The following NRG1 variants were observed in gnomAD, a reference collection of about 807,000 sequenced individuals.
The protein encoded by NRG1 is neuregulin 1, also known as pro-neuregulin-1, membrane-bound isoform.
A neutral mutation model predicts 63.8 loss-of-function variants in NRG1; 18 were observed. That is an observed-to-expected ratio of 0.28 (90% CI 0.19 to 0.42). The LOEUF is 0.42. Ranked by LOEUF, NRG1 falls within the 10% of genes least tolerant of loss-of-function variation. The pLI is 1.00. For synonymous variants in NRG1, 302 were observed against 301.3 expected, an observed-to-expected ratio of 1.00 and a Z score of -0.02; for missense variants, 762 against 814.7, an observed-to-expected ratio of 0.94 and a Z score of 0.79.
chr8:31,818,511 G>T (rs966242564), intron 1 of NRG1, among the ~76,000 whole-genome samples: 3 of 152,260 alleles, frequency 2.0e-5, no homozygotes, highest in African/African-American at 7.2e-5. Flanking sequence ...GGATGAAACC[G>T]TTCCACCTCA....
intron 1 of NRG1, among the ~76,000 whole-genome samples, chr8:32,112,505 C>T (rs886315017): frequency 2.0e-5 from 3 of 152,202 alleles, no homozygotes; most frequent in African/African-American, 7.2e-5. Context: ...TCCTTCTTTG[C>T]ATCCATCTTG....
chr8:32,557,253 C>T (rs1358726444), intron 1 of NRG1, among the ~76,000 whole-genome samples: 3 of 152,138 alleles, frequency 2.0e-5, no homozygotes, highest in Non-Finnish European at 4.4e-5. Flanking sequence ...GTGATTAACC[C>T]ACCTCGGCCT....
rs199811321 is a variant in NRG1, at chr8:31,697,101, TA to T, written c.37+57671del. Among the ~76,000 whole-genome samples, 688 of 152,314 alleles carry T rather than the reference TA, an allele frequency of 4.5e-3. 9 individuals are homozygous for T. Among genetic ancestry groups the T allele is most frequent in the African/African-American group, 0.015 (644 of 41,568 alleles). On this transcript the variant is annotated intron_variant, in intron 1 of 10. Coordinates refer to the NRG1 transcript ENST00000519301. ...GTGAAGTTTTCTTTTTCTGGAAAAC[TA>T]CTGGCTCTGAAGCAATTTAAGCCAG...
At chr8:32,537,537 T>C (rs889792878) in intron 1 of NRG1, among the ~76,000 whole-genome samples, 2 of 152,208 alleles carry the variant, frequency 1.3e-5, no homozygotes, top group Non-Finnish European at 2.9e-5. Flanking sequence ...GAAGCTTCTT[T>C]TAATACGGCT....
rs543664211 is a variant in NRG1, at chr8:31,733,423, GT to G, written c.37+93993del. 4.0e-3 allele frequency among the ~76,000 whole-genome samples: 611 copies of G among 152,270 alleles called. 7 individuals carry two copies. The highest frequency in any genetic ancestry group is 0.014 in the African/African-American group (579 of 41,556). ...TGCCACTGTAGGTATAAAACAATAT[GT>G]GGTCTCACTTAGAATAAAATGGAGA... On this transcript the variant is annotated intron_variant, in intron 1 of 10. Coordinates refer to the NRG1 transcript ENST00000519301.
At chr8:31,831,255 C>T (rs1449737588) in intron 1 of NRG1, among the ~76,000 whole-genome samples, 1 of 152,056 alleles carries the variant, frequency 6.6e-6, no homozygotes, top group African/African-American at 2.4e-5. Context: ...GCACACACCA[C>T]CATGCCCGGC....
intron 1 of NRG1, among the ~76,000 whole-genome samples, chr8:32,038,751 T>A (rs1393600131): frequency 1.3e-5 from 2 of 152,068 alleles, no homozygotes; most frequent in African/African-American, 4.8e-5. Flanking sequence ...TGAGAGGGCT[T>A]GGTGTTCCCC....
At chr8:31,742,455 A>ATTTTTTT (rs36040084) in intron 1 of NRG1, among the ~76,000 whole-genome samples, 1,306 of 79,942 alleles carry the variant, frequency 0.016, 126 homozygotes, top group African/African-American at 0.053. Flanking sequence ...TTTTTTAAGA[A>ATTTTTTT]TTTTTTTTTT....
chr8:32,558,809 C>T (rs1017386502), intron 1 of NRG1, among the ~76,000 whole-genome samples: 5 of 152,002 alleles, frequency 3.3e-5, no homozygotes, highest in South Asian at 2.1e-4. Flanking sequence ...TGGCCAGGCA[C>T]GTGGCTCATG....
intron 1 of NRG1, among the ~76,000 whole-genome samples, chr8:31,780,911 A>C (rs1819622535): frequency 6.6e-6 from 1 of 152,186 alleles, no homozygotes; most frequent in Non-Finnish European, 1.5e-5. Context: ...TATGAGCTCC[A>C]TTGATCCTAT....
chr8:32,228,808 A>G (rs1846602159), intron 1 of NRG1, among the ~76,000 whole-genome samples: 1 of 152,202 alleles, frequency 6.6e-6, no homozygotes, highest in African/African-American at 2.4e-5. Context: ...TTAGTATATG[A>G]GGTATTTGCA....
At chr8:31,767,205 G>T (rs1040288210) in intron 1 of NRG1, among the ~76,000 whole-genome samples, 7 of 152,114 alleles carry the variant, frequency 4.6e-5, no homozygotes, top group Non-Finnish European at 1.0e-4. Context: ...GCTGTGCCTT[G>T]GCTGATTTTA....
chr8:32,579,287 C>T (rs1840233447), intron 1 of NRG1, among the ~76,000 whole-genome samples: 1 of 146,272 alleles, frequency 6.8e-6, no homozygotes, highest in South Asian at 2.2e-4. Flanking sequence ...GTCGGTAACT[C>T]TCTGCTCGTG....
chr8:31,947,306 C>CAAAAAAAAAAAAA lies in NRG1; in HGVS notation c.37+307889_37+307901dup, dbSNP rs61713691. Reference sequence around the variant, plus strand: ...TGGGCGACAGAGTGAGACTCCGTCTCAAAAAAAAAAAAAAAAAAAAAAAAA... The same window carrying CAAAAAAAAAAAAA: ...TGGGCGACAGAGTGAGACTCCGTCTCAAAAAAAAAAAAAAAAAAAAAAAAAAAAAAAAAAAAAA... On this transcript the variant is annotated intron_variant, in intron 1 of 10. Transcript: ENST00000519301. Among the ~76,000 whole-genome samples, 109 of 132,676 alleles carry CAAAAAAAAAAAAA rather than the reference C, an allele frequency of 8.2e-4. 3 individuals are homozygous for CAAAAAAAAAAAAA. Among genetic ancestry groups the CAAAAAAAAAAAAA allele is most frequent in the African/African-American group, 3.4e-3 (106 of 31,114 alleles). The allele number at this position is 132,676 out of a possible 152,430, so 87.0% of individuals were successfully genotyped here. A position where few individuals can be genotyped will look rare whatever the true frequency, so the allele number is the denominator to read the frequency against.
intron 1 of NRG1, among the ~76,000 whole-genome samples, chr8:32,562,587 C>T (rs1397593460): frequency 6.6e-6 from 1 of 152,036 alleles, no homozygotes; most frequent in African/African-American, 2.4e-5. Context: ...GGGTTGTAAC[C>T]AGGAAGCATG....
intron 1 of NRG1, among the ~76,000 whole-genome samples, chr8:32,527,588 C>T (rs564941692): frequency 4.2e-4 from 63 of 149,132 alleles, no homozygotes; most frequent in African/African-American, 1.5e-3. Context: ...CAGATTTCAT[C>T]GCTATTCAGT....
intron 1 of NRG1, among the ~76,000 whole-genome samples, chr8:31,867,050 T>G (rs986164625): frequency 7.9e-5 from 12 of 152,318 alleles, no homozygotes; most frequent in African/African-American, 2.9e-4. Flanking sequence ...GACATTTAAG[T>G]TCAGTCCCAA....
chr8:32,202,871 T>A (rs752884804), intron 1 of NRG1, among the ~76,000 whole-genome samples: 8 of 151,288 alleles, frequency 5.3e-5, no homozygotes, highest in Non-Finnish European at 8.8e-5. Flanking sequence ...GATAGGGGGT[T>A]GCAGTGGGTC....
intron 5 of NRG1, among the ~76,000 whole-genome samples, chr8:32,715,554 GTC>G (rs969169471): frequency 2.0e-5 from 3 of 151,956 alleles, no homozygotes; most frequent in African/African-American, 7.3e-5. Flanking sequence ...ACCAAGAAAA[GTC>G]TCTCTTTCAA....
Sources: allele counts gnomAD v4.1 joint callset (sites outside exome capture counted in the v4.1 genomes callset), GRCh38; gene constraint gnomAD v4.1.1; transcripts MANE v1.5; gene names NCBI Gene and HGNC (gene_info 2026-07-23, HGNC 2026-07-21).